The following SIPA1L1 variants were observed in gnomAD, a reference collection of about 807,000 sequenced individuals.
The protein encoded by SIPA1L1 is signal-induced proliferation-associated 1-like protein 1.
SIPA1L1 carries 26 observed loss-of-function variants against 162.7 expected under a neutral mutation model. That is an observed-to-expected ratio of 0.16 (90% confidence interval 0.12 to 0.22). The LOEUF (loss-of-function observed/expected upper bound fraction) is 0.22, where lower values mean the gene tolerates loss of function less well. Ranked by LOEUF, SIPA1L1 falls within the 10% of genes least tolerant of loss-of-function variation. The pLI, the probability that SIPA1L1 is intolerant of heterozygous loss-of-function variation, is 1.00. For synonymous variants in SIPA1L1, 829 were observed against 837.4 expected (o/e 0.99, Z 0.17); for missense variants, 1,874 against 2,241.0 (o/e 0.84, Z 3.31).
At chr14:71,605,418 C>T (rs563898506) in intron 5 of SIPA1L1, among the ~76,000 whole-genome samples, 1 of 152,096 alleles carries the variant, frequency 6.6e-6, no homozygotes, top group South Asian at 2.1e-4. Context: ...AATTCTATTC[C>T]TTTTAAGATG....
chr14:71,729,362 A>C (rs747750460), intron 19 of SIPA1L1, among the ~76,000 whole-genome samples: 4 of 152,192 alleles, frequency 2.6e-5, no homozygotes, highest in Non-Finnish European at 5.9e-5. Flanking sequence ...CATGAATAGA[A>C]ATGCATCTTC....
chr14:71,425,059 G>A (rs1269957083), intron 2 of SIPA1L1, among the ~76,000 whole-genome samples: 2 of 151,814 alleles, frequency 1.3e-5, no homozygotes, highest in South Asian at 4.1e-4. Context: ...TCTTCATAGT[G>A]CACTCTTATA....
At chr14:71,726,517 A>G (rs992323018) in intron 19 of SIPA1L1, among the ~76,000 whole-genome samples, 1 of 152,262 alleles carries the variant, frequency 6.6e-6, no homozygotes, top group African/African-American at 2.4e-5. Context: ...TTACTTATGC[A>G]GTAGAAATAA....
chr14:71,584,091 T>C (rs1020157097), intron 4 of SIPA1L1, among the ~76,000 whole-genome samples: 3 of 152,028 alleles, frequency 2.0e-5, no homozygotes, highest in Admixed American at 6.5e-5. Context: ...TCCAGAAATA[T>C]GAAAAATGTC....
chr14:71,709,392 T>C lies in SIPA1L1; in HGVS notation c.3936T>C (p.Tyr1312=), dbSNP rs149974478. The part of the protein sequence containing the change: ...SADSGIDTTS[Y]GPSHGSTASL... ...ACAGTGGCATTGACACCACCTCTTA[T>C]GGCCCCAGCCACGGCAGCACAGCCT... Residue 1312 remains tyrosine, a synonymous_variant, in exon 17 of 24, where the codon TAT becomes TAC. Coordinates refer to ENST00000381232, the MANE Select transcript of SIPA1L1 (RefSeq NM_001386936.1). The C allele has an allele frequency of 1.4e-4, 222 of 1,614,116 alleles. No homozygotes were observed. Among genetic ancestry groups the C allele is most frequent in the Middle Eastern group, 3.3e-4 (2 of 6,084 alleles).
intron 23 of SIPA1L1, 90 bp from the exon 24 acceptor site, chr14:71,738,928 G>T (rs1434036977): frequency 7.0e-7 from 1 of 1,433,132 alleles, no homozygotes; most frequent in African/African-American, 1.4e-5. Flanking sequence ...ATGGACAAAA[G>T]ATCAAAACGG....
At chr14:71,461,931 A>G (rs957399827) in intron 2 of SIPA1L1, among the ~76,000 whole-genome samples, 26 of 152,158 alleles carry the variant, frequency 1.7e-4, no homozygotes, top group Non-Finnish European at 2.8e-4. Context: ...AGGCTAGGGG[A>G]GAGAAGGCAG....
At chr14:71,338,247 G>T (rs1306242843) in intron 2 of SIPA1L1, among the ~76,000 whole-genome samples, 2 of 152,214 alleles carry the variant, frequency 1.3e-5, no homozygotes, top group Non-Finnish European at 1.5e-5. Context: ...TTCATCAAGG[G>T]TGTTTAGCCT....
intron 21 of SIPA1L1, among the ~76,000 whole-genome samples, chr14:71,734,066 G>C (rs1321644940): frequency 6.6e-6 from 1 of 152,234 alleles, no homozygotes; most frequent in Non-Finnish European, 1.5e-5. Context: ...ATATGGGAAG[G>C]GCAATGGGTA....
chr14:71,703,675 A>G (rs976134445), intron 15 of SIPA1L1, among the ~76,000 whole-genome samples: 7 of 152,222 alleles, frequency 4.6e-5, no homozygotes, highest in Non-Finnish European at 8.8e-5. Flanking sequence ...ACATGTGAAA[A>G]GGATCCCTTC....
At chr14:71,574,423 A>T (rs1441018896) in intron 4 of SIPA1L1, 1 of 152,482 alleles carries the variant, frequency 6.6e-6, no homozygotes, top group Non-Finnish European at 1.5e-5. Context: ...TTCAGGGAGC[A>T]TGGTGGGAAG....
intron 16 of SIPA1L1, among the ~76,000 whole-genome samples, chr14:71,708,802 TA>T (rs746747338): frequency 2.0e-5 from 3 of 152,230 alleles, no homozygotes; most frequent in East Asian, 1.9e-4. Flanking sequence ...TCTCTAGACA[TA>T]AGTCTTATAT....
At chr14:71,661,650 C>A (rs780945034) in intron 10 of SIPA1L1, among the ~76,000 whole-genome samples, 183 bp downstream of exon 10, 1 of 152,148 alleles carries the variant, frequency 6.6e-6, no homozygotes, top group Non-Finnish European at 1.5e-5. Context: ...TTGACATTAC[C>A]CAAGCATGTT....
At chr14:71,325,968 G>C (rs2033742991) in intron 2 of SIPA1L1, among the ~76,000 whole-genome samples, 1 of 152,150 alleles carries the variant, frequency 6.6e-6, no homozygotes, top group Admixed American at 6.5e-5. Context: ...GAGAATTGCT[G>C]GTTCACACAA....
At chr14:71,684,470 C>T (rs551665589) in intron 12 of SIPA1L1, among the ~76,000 whole-genome samples, 3 of 152,380 alleles carry the variant, frequency 2.0e-5, no homozygotes, top group East Asian at 3.9e-4. Flanking sequence ...TTTGGGCCTG[C>T]ACTGTCCAGG....
intron 2 of SIPA1L1, among the ~76,000 whole-genome samples, chr14:71,326,235 G>A (rs1000876312): frequency 1.3e-5 from 2 of 148,560 alleles, no homozygotes; most frequent in African/African-American, 5.0e-5. Flanking sequence ...TTGAGATGGA[G>A]TCTCGCTGTG....
At chr14:71,487,065 C>T (rs1595719405) in intron 2 of SIPA1L1, among the ~76,000 whole-genome samples, 4 of 152,284 alleles carry the variant, frequency 2.6e-5, no homozygotes, top group African/African-American at 7.2e-5. Context: ...TCTGATGGCA[C>T]GGTGGTCTTT....
intron 23 of SIPA1L1, among the ~76,000 whole-genome samples, chr14:71,738,791 C>A (rs550292590): frequency 1.2e-4 from 19 of 152,270 alleles, no homozygotes. Context: ...TACTTACATT[C>A]CAGGATTACT....
intron 2 of SIPA1L1, among the ~76,000 whole-genome samples, chr14:71,396,123 A>C (rs184369536): frequency 6.8e-6 from 1 of 147,520 alleles, no homozygotes; most frequent in African/African-American, 2.5e-5. Flanking sequence ...CAGATCATTT[A>C]AAAAAAAAAA....
Sources: allele counts gnomAD v4.1 joint callset (sites outside exome capture counted in the v4.1 genomes callset), GRCh38; gene constraint gnomAD v4.1.1; transcripts MANE v1.5; gene names NCBI Gene and HGNC (gene_info 2026-07-23, HGNC 2026-07-21).